The following NCOA1 variants were observed in gnomAD, a reference collection of about 807,000 sequenced individuals.
NCOA1 encodes the protein nuclear receptor coactivator 1, also known as Hin-2 protein.
NCOA1 carries 35 observed loss-of-function variants against 150.9 expected under a neutral mutation model. The ratio of observed to expected loss-of-function variants is 0.23; its 90% confidence interval spans 0.18 to 0.31. NCOA1 has a LOEUF of 0.31. Ranked by LOEUF, NCOA1 falls within the 10% of genes least tolerant of loss-of-function variation. The pLI, the probability that NCOA1 is intolerant of heterozygous loss-of-function variation, is 1.00. For synonymous variants in NCOA1, 590 were observed against 630.0 expected, an observed-to-expected ratio of 0.94 and a Z score of 0.95; for missense variants, 1,491 against 1,749.3, an observed-to-expected ratio of 0.85 and a Z score of 2.63.
chr2:24,519,251 T>C (rs1020997457), intron 1 of NCOA1, among the ~76,000 whole-genome samples: 16 of 152,192 alleles, frequency 1.1e-4, no homozygotes, highest in African/African-American at 3.9e-4. Context: ...TACTGATACG[T>C]GCTACAACAT....
At chr2:24,572,966 C>T (rs1302824509) in intron 2 of NCOA1, among the ~76,000 whole-genome samples, 3 of 152,118 alleles carry the variant, frequency 2.0e-5, no homozygotes, top group African/African-American at 7.2e-5. Context: ...AACCCACTCT[C>T]GTATCTAATC....
chr2:24,717,315 C>T (rs1193102272), intron 14 of NCOA1, among the ~76,000 whole-genome samples: 1 of 152,146 alleles, frequency 6.6e-6, no homozygotes, highest in Non-Finnish European at 1.5e-5. Context: ...ATGTTTATGG[C>T]AGCTTTATCC....
intron 3 of NCOA1, among the ~76,000 whole-genome samples, chr2:24,609,554 G>A (rs1333284477): frequency 6.6e-6 from 1 of 152,086 alleles, no homozygotes; most frequent in Admixed American, 6.5e-5. Context: ...GGAGTTAAAA[G>A]GCTGCAGTGT....
Position 24,702,162 on chromosome 2 carries a change from T to C in NCOA1, c.950-2924T>C, listed in dbSNP as rs991585381. Among the ~76,000 whole-genome samples the C allele has an allele frequency of 2.6e-5, 4 of 152,342 alleles. No homozygotes were observed. In the East Asian group the frequency reaches 7.7e-4, roughly 29 times the overall value. On this transcript the variant is annotated intron_variant, in intron 11 of 22. Transcript: ENST00000348332. ...GTAATGTGATTAAGTCCACGGTCCA[T>C]GTAACAACTGAAAATCTTTTTATGT...
At chr2:24,605,119 A>G (rs4665706) in intron 3 of NCOA1, among the ~76,000 whole-genome samples, 122,713 of 152,092 alleles carry the variant, frequency 0.81, 51,429 homozygotes, top group East Asian at 0.99. Context: ...AATTACAGTA[A>G]TAAAATCAAA....
intron 13 of NCOA1, 144 bp downstream of exon 13, chr2:24,708,032 C>T (rs1673544684): frequency 9.5e-7 from 1 of 1,054,322 alleles, no homozygotes; most frequent in African/African-American, 1.6e-5. Context: ...GTATCAATAA[C>T]TGATCACAGG....
chr2:24,697,833 C>G (rs760715719), intron 11 of NCOA1, 35 bp downstream of exon 11: 1 of 1,568,294 alleles, frequency 6.4e-7, no homozygotes, highest in Admixed American at 1.7e-5. Flanking sequence ...TTCATTAACC[C>G]TTATCTTTAC....
chr2:24,734,027 A>T (rs574769484), intron 17 of NCOA1, among the ~76,000 whole-genome samples: 1 of 152,026 alleles, frequency 6.6e-6, no homozygotes, highest in Non-Finnish European at 1.5e-5. Context: ...TCTACTAAAA[A>T]TACAAAAATT....
chr2:24,715,841 C>T (rs984886308), intron 14 of NCOA1, among the ~76,000 whole-genome samples: 1 of 151,988 alleles, frequency 6.6e-6, no homozygotes, highest in Non-Finnish European at 1.5e-5. Flanking sequence ...AATGTAATCC[C>T]AATAACAATC....
chr2:24,735,204 TA>T (rs1663234965), intron 17 of NCOA1, among the ~76,000 whole-genome samples: 1 of 152,146 alleles, frequency 6.6e-6, no homozygotes, highest in Non-Finnish European at 1.5e-5. Context: ...TAAGCAAGGT[TA>T]AAAGGCAAGA....
At chr2:24,548,744 AG>A (rs1269581864) in intron 1 of NCOA1, among the ~76,000 whole-genome samples, 1 of 152,204 alleles carries the variant, frequency 6.6e-6, no homozygotes, top group African/African-American at 2.4e-5. Flanking sequence ...CAAATCTTAA[AG>A]CTTCAAAATG....
chr2:24,500,295 A>G (rs1663406114), intron 1 of NCOA1, among the ~76,000 whole-genome samples: 1 of 151,856 alleles, frequency 6.6e-6, no homozygotes, highest in Non-Finnish European at 1.5e-5. Flanking sequence ...TTTAGTGGAG[A>G]CGGGGTTTCT....
intron 11 of NCOA1, among the ~76,000 whole-genome samples, chr2:24,703,044 T>TC (rs1289279391): frequency 2.0e-5 from 3 of 152,210 alleles, no homozygotes; most frequent in Non-Finnish European, 4.4e-5. Context: ...TGGGTTTTTT[T>TC]CCCTCTGATG....
At position 24,548,008 on chromosome 2, in the gene NCOA1, A is replaced by AAAAT. The variant is rs1553426819; in HGVS notation, c.-395-16287_-395-16286insAAAT. Among the ~76,000 whole-genome samples, 51 of 150,062 alleles carry AAAAT rather than the reference A, an allele frequency of 3.4e-4. 1 individual carries two copies. The highest frequency in any genetic ancestry group is 1.1e-3 in the African/African-American group (45 of 40,706). On this transcript the variant is annotated intron_variant, in intron 1 of 22. Coordinates refer to ENST00000348332, the MANE Select transcript of NCOA1 (RefSeq NM_003743.5). Reference sequence around the variant, plus strand: ...TGTCTCAAAAAAAAAAAAAAAAAAAAGGATGAGGGAATTCTATAAGGAATG... The same window carrying AAAAT: ...TGTCTCAAAAAAAAAAAAAAAAAAAAAAATGGATGAGGGAATTCTATAAGGAATG...
At chr2:24,519,647 C>A (rs1664340991) in intron 1 of NCOA1, among the ~76,000 whole-genome samples, 1 of 119,604 alleles carries the variant, frequency 8.4e-6, no homozygotes, top group Admixed American at 8.6e-5. Context: ...AAGGCCCTGT[C>A]TCTACAAAAA....
chr2:24,750,060 C>T (rs534645868), intron 19 of NCOA1, among the ~76,000 whole-genome samples: 2 of 150,908 alleles, frequency 1.3e-5, no homozygotes, highest in Admixed American at 1.3e-4. Flanking sequence ...CAAAAAAAAC[C>T]CTAGATGAGA....
chr2:24,558,194 C>A (rs1666155894), intron 1 of NCOA1, among the ~76,000 whole-genome samples: 1 of 151,930 alleles, frequency 6.6e-6, no homozygotes, highest in Admixed American at 6.6e-5. Context: ...TTTTTATTGA[C>A]CTGTATGCAA....
intron 5 of NCOA1, 59 bp from the exon 6 acceptor site, chr2:24,665,690 T>C: frequency 3.1e-6 from 4 of 1,283,592 alleles, no homozygotes; most frequent in Non-Finnish European, 4.1e-6. Context: ...AGATACTTGA[T>C]CAGAGAAGGA....
intron 17 of NCOA1, among the ~76,000 whole-genome samples, chr2:24,730,575 G>A (rs1662951119): frequency 6.6e-6 from 1 of 152,286 alleles, no homozygotes. Context: ...ACTATATTAG[G>A]AGAATGAAGG....
Sources: gnomAD v4.1 joint callset for allele counts (sites outside exome capture counted in the v4.1 genomes callset) on GRCh38, gnomAD v4.1.1 for gene constraint, MANE v1.5 for transcripts, NCBI Gene and HGNC (gene_info 2026-07-23, HGNC 2026-07-21) for gene names.